Variants in OR4N5 observed in about 807,000 individuals in gnomAD.
The protein encoded by OR4N5 is olfactory receptor family 4 subfamily N member 5.
For missense variants in OR4N5, 428 were observed against 370.0 expected, an observed-to-expected ratio of 1.16 and a Z score of -1.29; for synonymous variants, 155 against 140.6, an observed-to-expected ratio of 1.10 and a Z score of -0.72.
At chr14:20,141,466 T>C (rs141816230) in intron 2 of OR4N5, among the ~76,000 whole-genome samples, 2 of 152,324 alleles carry the variant, frequency 1.3e-5, no homozygotes, top group South Asian at 2.1e-4. Flanking sequence ...TAAGTACTTA[T>C]TCCATAGCAT....
chr14:20,144,388 A>C lies in OR4N5; in HGVS notation c.653A>C (p.Tyr218Ser). The C allele has an allele frequency of 6.2e-7, 1 of 1,613,944 alleles. No individual in the cohort carries two copies. Among genetic ancestry groups the C allele is most frequent in the Non-Finnish European group, 8.5e-7 (1 of 1,179,964 alleles). Residue 218 changes from tyrosine to serine, a missense_variant, in exon 3 of 3, where the codon TAT (tyrosine) becomes TCT (serine). Coordinates refer to ENST00000641086, the MANE Select transcript of OR4N5 (RefSeq NM_001004724.2). ...LLCFLGLLAS[Y>S]AVILCRIREH... Reference sequence around the variant, plus strand: ...TGCTTCCTGGGCCTTCTGGCCTCCTATGCAGTCATCCTCTGTCGTATAAGG... The same window carrying C: ...TGCTTCCTGGGCCTTCTGGCCTCCTCTGCAGTCATCCTCTGTCGTATAAGG...
In OR4N5 at chr14:20,144,117, C is replaced by T. The variant is rs758325585; in HGVS notation, c.382C>T (p.Arg128Trp). 8.1e-6 allele frequency: 13 copies of T among 1,614,114 alleles called. No homozygotes were observed. The highest frequency in any genetic ancestry group is 2.7e-5 in the African/African-American group (2 of 75,036). Residue 128 changes from arginine (R) to tryptophan (W), a missense_variant, in exon 3 of 3, where the codon CGG becomes TGG. Arg to Trp is a moderately radical substitution (Grantham distance 101, BLOSUM62 -3). Transcript: ENST00000641086. ...CTTTGACCGCTACATCGCCATCTGC[C>T]GGCCTTTACACTATTCAACCATCAT... Reference protein sequence around the residue: ...MAFDRYIAICRPLHYSTIMNP... With the variant: ...MAFDRYIAICWPLHYSTIMNP...
chr14:20,144,048 C>T lies in OR4N5; in HGVS notation c.313C>T (p.His105Tyr). The change falls in exon 3 of 3, where the codon CAT becomes TAT. Residue 105 changes from histidine to tyrosine, a missense_variant. His to Tyr is a moderately conservative substitution (Grantham distance 83). Coordinates refer to ENST00000641086, the MANE Select transcript of OR4N5 (RefSeq NM_001004724.2). The part of the protein sequence containing the change: ...RSCITQLFFL[H>Y]FLGAGEMFLL... ...CTGCATCACTCAGCTCTTTTTCTTG[C>T]ATTTTCTTGGAGCGGGAGAGATGTT... 1 of 1,614,098 alleles carries T rather than the reference C, an allele frequency of 6.2e-7. No individual in the cohort carries two copies. The highest frequency in any genetic ancestry group is 8.5e-7 in the Non-Finnish European group (1 of 1,179,992).
At position 20,140,901 on chromosome 14, in the gene OR4N5, C is replaced by T. The variant is rs1332705589; in HGVS notation, c.-322C>T. 2.6e-5 allele frequency: 4 copies of T among 151,326 alleles called. No homozygotes were observed. Among genetic ancestry groups the T allele is most frequent in the Admixed American group, 2.6e-4 (4 of 15,176 alleles). 9.4% of individuals were successfully genotyped at this position (151,326 alleles called of 1,614,324 possible). On this transcript the variant is annotated 5_prime_UTR_variant, in exon 2 of 3. Transcript: ENST00000641086. ...TGGTGCTTTTTTTTTTTCGGGAACT[C>T]ATTTTGTACAGAGGAATGCCCATCT...
rs1366816862 is a variant in OR4N5 at position 20,143,793 on chromosome 14, T to A, written c.58T>A (p.Ser20Thr). 6.2e-7 allele frequency: 1 copy of A among 1,613,920 alleles called. No homozygotes were observed. The highest frequency in any genetic ancestry group is 2.2e-5 in the East Asian group (1 of 44,878). ...ATTCATTCTTCTTGGTCTGACCCAG[T>A]CTCAAGATGCTCAACTTCTGGTCTT... ...TEFILLGLTQ[S>T]QDAQLLVFVL... is the part of the protein sequence containing the mutation. Residue 20 changes from serine (S) to threonine (T), a missense_variant, in exon 3 of 3, where the codon TCT becomes ACT. Transcript: ENST00000641086.
Position 20,144,311 on chromosome 14 carries a change from C to T in OR4N5, c.576C>T (p.Thr192=), listed in dbSNP as rs1176978006. The change falls in exon 3 of 3, where the codon ACC becomes ACT. Residue 192 remains threonine, a synonymous_variant. Coordinates refer to ENST00000641086, the MANE Select transcript of OR4N5 (RefSeq NM_001004724.2). ...TCATCAAGCTGGCCTGCACCAATAC[C>T]TTTGTGGTGGAGCTTCTGATGGTCT... The part of the protein sequence containing the change: ...PQVIKLACTN[T]FVVELLMVSN... 2 of 1,613,990 alleles carry T rather than the reference C, an allele frequency of 1.2e-6. No individual in the cohort carries two copies. The highest frequency in any genetic ancestry group is 1.7e-6 in the Non-Finnish European group (2 of 1,179,972).
In OR4N5 at chr14:20,144,457, C is replaced by A. The variant is rs138121722; in HGVS notation, c.722C>A (p.Thr241Asn). ...EGKSKAISTC[T>N]THIIIIFLMF... ...AAGAGCAAGGCTATTTCCACATGCA[C>A]CACCCATATTATCATTATATTTCTC... The change falls in exon 3 of 3, where the codon ACC becomes AAC. Residue 241 changes from threonine (T) to asparagine (N), a missense_variant. Physicochemically the swap from Thr to Asn is moderately conservative, Grantham distance 65. Transcript: ENST00000641086. 1 of 1,613,958 alleles carries A rather than the reference C, an allele frequency of 6.2e-7. No homozygotes were observed. The highest frequency in any genetic ancestry group is 1.1e-5 in the South Asian group (1 of 91,072).
Position 20,144,585 on chromosome 14 carries a change from C to T in OR4N5, c.850C>T (p.Pro284Ser), listed in dbSNP as rs766625653. ...FHTVIFPLMNPVIYTLRNQEV... is the reference protein window; with the variant it reads ...FHTVIFPLMNSVIYTLRNQEV... ...TACTGTCATCTTTCCTTTGATGAACCCTGTTATTTATACGCTTCGCAACCA... is the reference window on the plus strand; with the variant it reads ...TACTGTCATCTTTCCTTTGATGAACTCTGTTATTTATACGCTTCGCAACCA... Residue 284 changes from proline (P) to serine (S), a missense_variant, in exon 3 of 3, where the codon CCT becomes TCT. Coordinates refer to ENST00000641086, the MANE Select transcript of OR4N5 (RefSeq NM_001004724.2). The T allele has an allele frequency of 3.1e-6, 5 of 1,613,624 alleles. No homozygotes were observed. The highest frequency in any genetic ancestry group is 4.2e-6 in the Non-Finnish European group (5 of 1,179,852).
chr14:20,144,689 G>A lies in OR4N5; in HGVS notation c.*27G>A, dbSNP rs777741908. ...TAGAAGAAAGAGAAAAGCAAGAACG[G>A]AGAAAGTCCAGTTGAATTTAGCTAA... On this transcript the variant is annotated 3_prime_UTR_variant, in exon 3 of 3. Transcript: ENST00000641086. 1.4e-6 allele frequency: 2 copies of A among 1,466,624 alleles called. No individual in the cohort carries two copies. Among genetic ancestry groups the A allele is most frequent in the East Asian group, 2.3e-5 (1 of 43,952 alleles). The allele number at this position is 1,466,624 out of a possible 1,614,324, so 90.9% of individuals were successfully genotyped here.
At position 20,144,023 on chromosome 14, in the gene OR4N5, C is replaced by G. The variant is rs369689585; in HGVS notation, c.288C>G (p.Ser96Arg). 2 of 1,614,098 alleles carry G rather than the reference C, an allele frequency of 1.2e-6. No homozygotes were observed. The highest frequency in any genetic ancestry group is 1.7e-6 in the Non-Finnish European group (2 of 1,179,994). The change falls in exon 3 of 3, where the codon AGC (serine) becomes AGG (arginine). Residue 96 changes from serine (S) to arginine (R), a missense_variant. Transcript: ENST00000641086. ...LSEKKVISYR[S>R]CITQLFFLHF... ...AGAAGAAGGTAATCTCCTATAGAAG[C>G]TGCATCACTCAGCTCTTTTTCTTGC...
chr14:20,139,555 C>A (rs1465341767), intron 1 of OR4N5, among the ~76,000 whole-genome samples: 1 of 152,144 alleles, frequency 6.6e-6, no homozygotes, highest in African/African-American at 2.4e-5. Flanking sequence ...GTTATCATAT[C>A]CCTTGGAATT....
At chr14:20,139,018 C>T (rs1332762658) in intron 1 of OR4N5, 128 bp downstream of exon 1, 1 of 152,000 alleles carries the variant, frequency 6.6e-6, no homozygotes, top group East Asian at 1.9e-4. Flanking sequence ...GCTGCAGAAA[C>T]AGAGTAAGGG....
Position 20,140,743 on chromosome 14 carries a change from T to C in OR4N5, c.-380-100T>C, listed in dbSNP as rs1281332980. The C allele has an allele frequency of 2.0e-5, 3 of 152,326 alleles. No homozygotes were observed. The East Asian group carries it at 5.8e-4, about 29-fold the overall frequency. 9.4% of individuals were successfully genotyped at this position (152,326 alleles called of 1,614,324 possible). On this transcript the variant is annotated intron_variant, in intron 1 of 2. Coordinates refer to ENST00000641086, the MANE Select transcript of OR4N5 (RefSeq NM_001004724.2). ...CTATCTATCTATCTATACGTATATA[T>C]ATATCTGTTGAAATAATAAGGAAGG...
rs1878715403 is a variant in OR4N5, at chr14:20,145,251, T to C, written c.*589T>C. 1 of 152,230 alleles carries C rather than the reference T, an allele frequency of 6.6e-6. No homozygotes were observed. The highest frequency in any genetic ancestry group is 6.6e-5 in the Admixed American group (1 of 15,258). The allele number at this position is 152,230 out of a possible 1,614,324, so 9.4% of individuals were successfully genotyped here. On this transcript the variant is annotated 3_prime_UTR_variant, in exon 3 of 3. Transcript: ENST00000641086. Reference sequence around the variant, plus strand: ...GTCAAAGAATTTGGTAGGGGCAAAATTATGTAGAGCATTTTAGTCAATAAG... The same window carrying C: ...GTCAAAGAATTTGGTAGGGGCAAAACTATGTAGAGCATTTTAGTCAATAAG...
chr14:20,144,384 T>G lies in OR4N5; in HGVS notation c.649T>G (p.Ser217Ala), dbSNP rs922206492. ...SLLCFLGLLA[S>A]YAVILCRIRE... ...CCTGTGCTTCCTGGGCCTTCTGGCC[T>G]CCTATGCAGTCATCCTCTGTCGTAT... The change falls in exon 3 of 3, where the codon TCC becomes GCC. Residue 217 changes from serine to alanine, a missense_variant. Transcript: ENST00000641086. 2 of 1,614,020 alleles carry G rather than the reference T, an allele frequency of 1.2e-6. No homozygotes were observed. Among genetic ancestry groups the G allele is most frequent in the African/African-American group, 1.3e-5 (1 of 75,042 alleles).
intron 2 of OR4N5, among the ~76,000 whole-genome samples, chr14:20,142,971 A>G (rs1020685439): frequency 6.6e-6 from 1 of 152,206 alleles, no homozygotes; most frequent in Non-Finnish European, 1.5e-5. Flanking sequence ...TCACTCTGAG[A>G]TCTGAAGAAG....
At chr14:20,140,755 A>C (rs562722851) in intron 1 of OR4N5, 88 bp from the exon 2 acceptor site, 3 of 152,240 alleles carry the variant, frequency 2.0e-5, no homozygotes, top group African/African-American at 7.2e-5. Flanking sequence ...TATCTGTTGA[A>C]ATAATAAGGA....
chr14:20,142,995 A>T (rs1878647567), intron 2 of OR4N5, among the ~76,000 whole-genome samples: 2 of 152,218 alleles, frequency 1.3e-5, no homozygotes, highest in Non-Finnish European at 1.5e-5. Flanking sequence ...TAGGTTATAG[A>T]TATATAGAGA....
Position 20,143,827 on chromosome 14 carries a change from T to A in OR4N5, c.92T>A (p.Val31Asp), listed in dbSNP as rs1271434490. 5 of 1,613,918 alleles carry A rather than the reference T, an allele frequency of 3.1e-6. No individual in the cohort carries two copies. The Admixed American group carries it at 8.3e-5, about 27-fold the overall frequency. Reference sequence around the variant, plus strand: ...GCTCAACTTCTGGTCTTTGTGCTAGTCTTAATTTTCTACCTTATCATCCTC... The same window carrying A: ...GCTCAACTTCTGGTCTTTGTGCTAGACTTAATTTTCTACCTTATCATCCTC... The part of the protein sequence containing the change: ...QDAQLLVFVL[V>D]LIFYLIILPG... The change falls in exon 3 of 3, where the codon GTC becomes GAC. Residue 31 changes from valine to aspartate, a missense_variant. Transcript: ENST00000641086.
Sources: allele counts gnomAD v4.1 joint callset (sites outside exome capture counted in the v4.1 genomes callset), GRCh38; gene constraint gnomAD v4.1.1; transcripts MANE v1.5; gene names NCBI Gene and HGNC (gene_info 2026-07-23, HGNC 2026-07-21).